The following ACSM2A variants were observed in gnomAD, a reference collection of about 807,000 sequenced individuals.
The protein encoded by ACSM2A is acyl-coenzyme A synthetase ACSM2A, mitochondrial.
Under a neutral mutation model 76.6 loss-of-function variants are expected in ACSM2A, and 72 were observed. The ratio of observed to expected loss-of-function variants is 0.94; its 90% CI spans 0.78 to 1.14. The LOEUF (loss-of-function observed/expected upper bound fraction) is 1.14. Ranked by LOEUF, ACSM2A falls within the 50% of genes most tolerant of loss-of-function variation. ACSM2A has a pLI of 0.00. For synonymous variants in ACSM2A, 249 were observed against 255.9 expected (o/e 0.97, Z 0.26); for missense variants, 684 against 708.5 (o/e 0.97, Z 0.39).
chr16:20,486,969 A>T lies in ACSM2A; in HGVS notation c.*291A>T, dbSNP rs2014413403. The T allele has an allele frequency of 7.6e-6, 2 of 263,986 alleles. No homozygotes were observed. Among genetic ancestry groups the T allele is most frequent in the African/African-American group, 4.4e-5 (2 of 45,108 alleles). The allele number at this position is 263,986 out of a possible 1,614,324, so 16.4% of individuals were successfully genotyped here. On this transcript the variant is annotated 3_prime_UTR_variant, in exon 14 of 14. Coordinates refer to ENST00000573854, the MANE Select transcript of ACSM2A (RefSeq NM_001308172.2). Reference sequence around the variant, plus strand: ...CAATTGAAAAAGAAATAAAGTAGGGAAAGAAGGAGAGAGGAAGCAAGGGAA... The same window carrying T: ...CAATTGAAAAAGAAATAAAGTAGGGTAAGAAGGAGAGAGGAAGCAAGGGAA...
chr16:20,464,074 C>T (rs1003578801), intron 2 of ACSM2A, among the ~76,000 whole-genome samples: 33 of 152,090 alleles, frequency 2.2e-4, no homozygotes, highest in African/African-American at 7.5e-4. Context: ...CTTCAGTTCC[C>T]GAAAAGTTCC....
chr16:20,469,736 C>T lies in ACSM2A; in HGVS notation c.596+17C>T, dbSNP rs780844240. 2.9e-5 allele frequency: 47 copies of T among 1,613,478 alleles called. No homozygotes were observed. The East Asian group carries it at 3.1e-4, about 11-fold the overall frequency. ...ACTACTAAAGTGAGTATCTACATGT[C>T]TCAGCCTGGGTTTTAACTAAAACTG... On this transcript the variant is annotated intron_variant, in intron 4 of 13. Transcript: ENST00000573854.
intron 3 of ACSM2A, among the ~76,000 whole-genome samples, chr16:20,467,187 T>C (rs957504586): frequency 2.0e-5 from 3 of 152,236 alleles, no homozygotes; most frequent in Non-Finnish European, 4.4e-5. Context: ...AGGATATCTA[T>C]GTGCCTGAAG....
intron 13 of ACSM2A, among the ~76,000 whole-genome samples, chr16:20,484,469 T>C (rs1263563458): frequency 8.0e-6 from 1 of 124,404 alleles, no homozygotes; most frequent in African/African-American, 3.3e-5. Context: ...GATTCTTATG[T>C]AGCCCAGATG....
At chr16:20,455,337 C>G (rs1040032251) in intron 1 of ACSM2A, among the ~76,000 whole-genome samples, 1 of 151,294 alleles carries the variant, frequency 6.6e-6, no homozygotes, top group South Asian at 2.1e-4. Flanking sequence ...TGCCTAGGCA[C>G]ATTGTCATCA....
chr16:20,486,150 T>G (rs6416612), intron 13 of ACSM2A, among the ~76,000 whole-genome samples: 152,338 of 152,346 alleles, frequency 1, 76,165 homozygotes, highest in Middle Eastern at 1. Context: ...AACTTAGCCT[T>G]CATAATCTCC....
rs567203092 is a variant in ACSM2A at position 20,483,548 on chromosome 16, T to TG, written c.1629+372dup. Among the ~76,000 whole-genome samples the TG allele has an allele frequency of 2.6e-4, 28 of 106,190 alleles. 1 individual carries two copies. The South Asian group carries it at 9.5e-3, about 36-fold the overall frequency. 69.7% of individuals were successfully genotyped at this position (106,190 alleles called of 152,430 possible). ...TTGTGCCACTGCACTGCAGCCCAGG[T>TG]GACAGAGTGAGACTCTGTCTCAAAA... On this transcript the variant is annotated intron_variant, in intron 13 of 13. Coordinates refer to ENST00000573854, the MANE Select transcript of ACSM2A (RefSeq NM_001308172.2).
At chr16:20,486,112 T>C (rs1483139350) in intron 13 of ACSM2A, among the ~76,000 whole-genome samples, 1 of 152,256 alleles carries the variant, frequency 6.6e-6, no homozygotes, top group African/African-American at 2.4e-5. Flanking sequence ...CCACAGCTAA[T>C]ATTTTTCAGT....
intron 3 of ACSM2A, among the ~76,000 whole-genome samples, chr16:20,466,226 T>A (rs1307210868): frequency 6.6e-6 from 1 of 152,144 alleles, no homozygotes; most frequent in Non-Finnish European, 1.5e-5. Context: ...TATTTACTAT[T>A]TGGCCCTTTG....
At position 20,475,662 on chromosome 16, in the gene ACSM2A, C is replaced by G; in HGVS notation, c.987C>G (p.Pro329=). 1.2e-6 allele frequency: 2 copies of G among 1,614,024 alleles called. No homozygotes were observed. Among genetic ancestry groups the G allele is most frequent in the South Asian group, 1.1e-5 (1 of 91,068 alleles). The change falls in exon 8 of 14, where the codon CCC becomes CCG. Residue 329 remains proline, a synonymous_variant. Coordinates refer to ENST00000573854, the MANE Select transcript of ACSM2A (RefSeq NM_001308172.2). ...LQQDLSSYKF[P]HLQNCVTVGE... Reference sequence around the variant, plus strand: ...TTCTCTTCTTCAGTTACAAGTTCCCCCATCTACAGAACTGCGTCACTGTAG... The same window carrying G: ...TTCTCTTCTTCAGTTACAAGTTCCCGCATCTACAGAACTGCGTCACTGTAG...
intron 3 of ACSM2A, among the ~76,000 whole-genome samples, chr16:20,467,646 T>A (rs1431207150): frequency 1.3e-5 from 2 of 152,108 alleles, no homozygotes; most frequent in East Asian, 3.9e-4. Context: ...GGGTGGATGG[T>A]GCTTTCTTTC....
At position 20,480,906 on chromosome 16, in the gene ACSM2A, C is replaced by T. The variant is rs145574596; in HGVS notation, c.1494C>T (p.Asp498=). 99 of 1,613,798 alleles carry T rather than the reference C, an allele frequency of 6.1e-5. No individual in the cohort carries two copies. The African/African-American group carries it at 9.6e-4, about 16-fold the overall frequency. The part of the protein sequence containing the change: ...VVETAVISSP[D]PVRGEVVKAF... ...AGACGGCTGTGATCAGCAGCCCAGA[C>T]CCCGTCCGAGGAGAGGTGATGGGGA... The change falls in exon 12 of 14, where the codon GAC becomes GAT. Residue 498 remains aspartate, a synonymous_variant. Coordinates refer to ENST00000573854, the MANE Select transcript of ACSM2A (RefSeq NM_001308172.2).
intron 13 of ACSM2A, 64 bp downstream of exon 13, chr16:20,483,241 A>G (rs1291237053): frequency 6.3e-7 from 1 of 1,593,746 alleles, no homozygotes. Flanking sequence ...TGTTATATTT[A>G]TCTTCTTCAG....
At chr16:20,475,520 C>G in intron 7 of ACSM2A, 79 bp downstream of exon 7, 1 of 1,604,558 alleles carries the variant, frequency 6.2e-7, no homozygotes, top group Non-Finnish European at 8.5e-7. Context: ...GCCTATCTAT[C>G]TGAATCTCTC....
intron 1 of ACSM2A, chr16:20,453,861 A>G (rs1419256333): frequency 1.5e-5 from 2 of 129,550 alleles, no homozygotes; most frequent in African/African-American, 3.2e-5. Flanking sequence ...GTCCTGCAGT[A>G]CCCTCAGGCT....
rs2012935916 is a variant in ACSM2A, at chr16:20,465,538, C to T, written c.199C>T (p.Pro67Ser). 1.2e-6 allele frequency: 2 copies of T among 1,613,934 alleles called. No individual in the cohort carries two copies. Among genetic ancestry groups the T allele is most frequent in the Non-Finnish European group, 1.7e-6 (2 of 1,179,862 alleles). The change falls in exon 3 of 14, where the codon CCA becomes TCA. Residue 67 changes from proline to serine, a missense_variant. Coordinates refer to ENST00000573854, the MANE Select transcript of ACSM2A (RefSeq NM_001308172.2). The stretch of plus-strand genomic sequence containing the variant: ...TCAGGCTGGCAAGCGACTCCCAAGC[C>T]CAGCCCTGTGGTGGGTGAATGGGAA... ...MEKAGKRLPSPALWWVNGKGK... is the reference protein window; with the variant it reads ...MEKAGKRLPSSALWWVNGKGK...
chr16:20,481,173 T>TC (rs1555500639), intron 12 of ACSM2A: 2 of 499,346 alleles, frequency 4.0e-6, no homozygotes, highest in African/African-American at 3.8e-5. Context: ...TGGTGATTTC[T>TC]AAAAAAACTA....
At chr16:20,462,138 T>C (rs1347903943) in intron 2 of ACSM2A, among the ~76,000 whole-genome samples, 2 of 152,172 alleles carry the variant, frequency 1.3e-5, no homozygotes, top group African/African-American at 4.8e-5. Context: ...GATTTTACAA[T>C]AGTGATGTTA....
chr16:20,454,876 A>G (rs552660452), intron 1 of ACSM2A, among the ~76,000 whole-genome samples: 5 of 147,170 alleles, frequency 3.4e-5, no homozygotes, highest in Non-Finnish European at 7.4e-5. Context: ...AAGAGGCACC[A>G]GAAAAGCTGA....
Sources: gnomAD v4.1 joint callset for allele counts (sites outside exome capture counted in the v4.1 genomes callset) on GRCh38, gnomAD v4.1.1 for gene constraint, MANE v1.5 for transcripts, NCBI Gene and HGNC (gene_info 2026-07-23, HGNC 2026-07-21) for gene names.